Variants in BRD10 observed in about 807,000 individuals in gnomAD.
BRD10 encodes uncharacterized bromodomain-containing protein 10.
At chr9:5,924,403 G>A in the BRD10 span, among the ~76,000 whole-genome samples, 1 of 151,770 alleles carries the variant, frequency 6.6e-6, no homozygotes, top group East Asian at 1.9e-4. Flanking sequence ...TCGACCTCTT[G>A]AATAGCTGGG....
chr9:5,901,457 T>A, the BRD10 span, among the ~76,000 whole-genome samples: 42 of 152,364 alleles, frequency 2.8e-4, 1 homozygote, highest in South Asian at 4.1e-4. Flanking sequence ...TTTTTCTACA[T>A]CTATTGATAC....
chr9:5,937,792 C>T, the BRD10 span, among the ~76,000 whole-genome samples: 12 of 152,184 alleles, frequency 7.9e-5, no homozygotes, highest in Non-Finnish European at 1.3e-4. Flanking sequence ...AAACAGTGAG[C>T]ACTGTAAACC....
the BRD10 span, chr9:5,919,982 G>C: frequency 6.2e-7 from 1 of 1,613,976 alleles, no homozygotes; most frequent in Non-Finnish European, 8.5e-7. Context: ...CTTAATTACT[G>C]AAGTCAGTGA....
chr9:5,925,163 A>C, the BRD10 span, among the ~76,000 whole-genome samples: 1 of 152,124 alleles, frequency 6.6e-6, no homozygotes, highest in Non-Finnish European at 1.5e-5. Flanking sequence ...GTTTGAGACC[A>C]GCCTGGCCAA....
At chr9:5,992,820 T>C in the BRD10 span, among the ~76,000 whole-genome samples, 1 of 152,068 alleles carries the variant, frequency 6.6e-6, no homozygotes, top group Non-Finnish European at 1.5e-5. Flanking sequence ...TTACAATAAG[T>C]CTTAACAAGA....
chr9:5,926,574 C>T, the BRD10 span, among the ~76,000 whole-genome samples: 7 of 152,148 alleles, frequency 4.6e-5, no homozygotes, highest in African/African-American at 1.7e-4. Context: ...CTCTGTTGCC[C>T]AGGCCAGAGT....
At chr9:5,980,319 T>C in the BRD10 span, among the ~76,000 whole-genome samples, 7 of 152,330 alleles carry the variant, frequency 4.6e-5, no homozygotes, top group South Asian at 8.3e-4. Flanking sequence ...TTCTTGAAGA[T>C]GGCCAGACTA....
At chr9:5,880,730 A>T in the BRD10 span, among the ~76,000 whole-genome samples, 65 of 147,660 alleles carry the variant, frequency 4.4e-4, no homozygotes, top group Non-Finnish European at 7.9e-4. Context: ...CCTGAGATGA[A>T]GTCTCGCTCT....
the BRD10 span, chr9:5,929,058 A>T: frequency 6.4e-7 from 1 of 1,566,080 alleles, no homozygotes; most frequent in African/African-American, 1.4e-5. Context: ...TTCTTTGGAA[A>T]GCCTTCATTA....
the BRD10 span, among the ~76,000 whole-genome samples, chr9:5,892,987 C>T: frequency 1.3e-5 from 2 of 152,194 alleles, no homozygotes; most frequent in East Asian, 1.9e-4. Context: ...ACTCAGCCCA[C>T]AGCCAGACTC....
chr9:5,970,404 T>C, the BRD10 span, among the ~76,000 whole-genome samples: 2 of 152,104 alleles, frequency 1.3e-5, no homozygotes, highest in African/African-American at 2.4e-5. Context: ...TCTAGGTTAA[T>C]AGGAATATGA....
the BRD10 span, among the ~76,000 whole-genome samples, chr9:5,903,291 C>G: frequency 1.3e-5 from 2 of 152,144 alleles, no homozygotes; most frequent in African/African-American, 4.8e-5. Context: ...AAAGTGTATT[C>G]TGTTGTCGTT....
chr9:5,883,404 T>A, the BRD10 span, among the ~76,000 whole-genome samples: 2 of 151,446 alleles, frequency 1.3e-5, no homozygotes, highest in Admixed American at 6.6e-5. Context: ...TGGAAGGTCA[T>A]CCATGAATTC....
At chr9:5,982,516 G>A in the BRD10 span, among the ~76,000 whole-genome samples, 3 of 152,144 alleles carry the variant, frequency 2.0e-5, no homozygotes, top group African/African-American at 7.2e-5. Flanking sequence ...GGGGCTGATG[G>A]CTTTATAAAA....
the BRD10 span, among the ~76,000 whole-genome samples, chr9:5,881,923 C>T: frequency 6.6e-5 from 10 of 152,300 alleles, no homozygotes; most frequent in African/African-American, 1.9e-4. Flanking sequence ...TACAGAAAGA[C>T]GTAATCCCCA....
the BRD10 span, among the ~76,000 whole-genome samples, chr9:5,963,627 G>A: frequency 2.5e-4 from 38 of 151,986 alleles, no homozygotes; most frequent in Non-Finnish European, 4.4e-4. Flanking sequence ...AACAAAGCTG[G>A]AGGCATCACG....
the BRD10 span, among the ~76,000 whole-genome samples, chr9:5,941,577 C>T: frequency 4.6e-5 from 7 of 152,012 alleles, no homozygotes; most frequent in Admixed American, 1.3e-4. Flanking sequence ...AAGTGAACTG[C>T]GTATAAATTT....
chr9:6,007,162 CTG>C, the BRD10 span: 3 of 1,592,672 alleles, frequency 1.9e-6, no homozygotes, highest in South Asian at 1.1e-5. Context: ...TTGTGTCAGT[CTG>C]TCAGTCCCAC....
At chr9:5,956,771 T>A in the BRD10 span, among the ~76,000 whole-genome samples, 4 of 152,200 alleles carry the variant, frequency 2.6e-5, no homozygotes, top group Admixed American at 1.3e-4. Context: ...CACAAATCAA[T>A]GAATGTAATA....
Sources: gnomAD v4.1 joint callset for allele counts (sites outside exome capture counted in the v4.1 genomes callset) on GRCh38, gnomAD v4.1.1 for gene constraint, MANE v1.5 for transcripts, NCBI Gene and HGNC (gene_info 2026-07-23, HGNC 2026-07-21) for gene names.